The following METTL16 variants were observed in gnomAD, a reference collection of about 807,000 sequenced individuals.
The protein encoded by METTL16 is methyltransferase 16, RNA N6-adenosine, also known as RNA N(6)-adenosine-methyltransferase METTL16.
Under a neutral mutation model 57.9 loss-of-function variants are expected in METTL16, and 19 were observed. That is an observed-to-expected ratio of 0.33 (90% CI 0.23 to 0.48). METTL16 has a LOEUF of 0.48. Among genes scored for constraint, METTL16 ranks in the 20% least tolerant of loss-of-function variants. The pLI is 0.99. For missense variants in METTL16, 434 were observed against 691.5 expected (o/e 0.63, Z 4.18); for synonymous variants, 246 against 255.6 (o/e 0.96, Z 0.36).
intron 8 of METTL16, among the ~76,000 whole-genome samples, chr17:2,426,098 G>A (rs2066816385): frequency 6.6e-6 from 1 of 150,808 alleles, no homozygotes; most frequent in Non-Finnish European, 1.5e-5. Flanking sequence ...TGCAGGAAGA[G>A]AAGAGCCATT....
chr17:2,481,707 G>A (rs551792486), intron 2 of METTL16, among the ~76,000 whole-genome samples: 1 of 152,262 alleles, frequency 6.6e-6, no homozygotes, highest in South Asian at 2.1e-4. Context: ...TGGGGATTCT[G>A]AATAAGAGAA....
chr17:2,419,788 C>T lies in METTL16; in HGVS notation c.*182G>A, dbSNP rs1248812217. 4 of 754,732 alleles carry T rather than the reference C, an allele frequency of 5.3e-6. No homozygotes were observed. Among genetic ancestry groups the T allele is most frequent in the African/African-American group, 5.2e-5 (3 of 57,738 alleles). The allele number at this position is 754,732 out of a possible 1,614,324, so 46.8% of individuals were successfully genotyped here. On this transcript the variant is annotated 3_prime_UTR_variant, in exon 10 of 10. Transcript: ENST00000263092. Reference sequence around the variant, plus strand: ...CTTGTAAATGACCACACTACGACTCCCTGTAACTCAAAAAGCGGGAAGGAG... The same window carrying T: ...CTTGTAAATGACCACACTACGACTCTCTGTAACTCAAAAAGCGGGAAGGAG...
chr17:2,444,795 A>G (rs544313014), intron 6 of METTL16, among the ~76,000 whole-genome samples: 1 of 150,310 alleles, frequency 6.7e-6, no homozygotes, highest in East Asian at 2.0e-4. Flanking sequence ...CTCACTGCAA[A>G]CTCTGCCTCC....
chr17:2,500,570 C>A (rs1466378109), intron 2 of METTL16, among the ~76,000 whole-genome samples: 1 of 152,086 alleles, frequency 6.6e-6, no homozygotes, highest in African/African-American at 2.4e-5. Context: ...GCGTGAGCCA[C>A]CGCGCCCGGC....
chr17:2,441,527 C>G lies in METTL16; in HGVS notation c.761G>C (p.Ser254Thr). The change falls in exon 7 of 10, where the codon AGC becomes ACC. Residue 254 changes from serine to threonine, a missense_variant. Around this residue, in one of 5 missense-constraint regions of METTL16, gnomAD observed 96 missense variants for 138.3 expected, o/e 0.69. Transcript: ENST00000263092. ...WYSCMLGKKCSLAPLKEELRI... is the reference protein window; with the variant it reads ...WYSCMLGKKCTLAPLKEELRI... ...AAGCTCCTCCTTCAGAGGCGCCAGG[C>G]TGCATTTCTTTCCCAGCATGCAGCT... The G allele has an allele frequency of 6.3e-7, 1 of 1,596,694 alleles. No individual in the cohort carries two copies.
At position 2,416,383 on chromosome 17, in the gene METTL16, C is replaced by G. The variant is rs2066715471; in HGVS notation, c.*3587G>C. 1 of 152,216 alleles carries G rather than the reference C, an allele frequency of 6.6e-6. No individual in the cohort carries two copies. The highest frequency in any genetic ancestry group is 1.5e-5 in the Non-Finnish European group (1 of 68,034). The allele number at this position is 152,216 out of a possible 1,614,324, so 9.4% of individuals were successfully genotyped here. On this transcript the variant is annotated 3_prime_UTR_variant, in exon 10 of 10. Transcript: ENST00000263092. ...TGCAGTTTTGTTATTCCTGTCACAA[C>G]TTAGAAGTTCGAGTGCTCACATGGT...
At position 2,420,242 on chromosome 17, in the gene METTL16, C is replaced by G; in HGVS notation, c.1417G>C (p.Gly473Arg). The G allele has an allele frequency of 6.2e-7, 1 of 1,614,216 alleles. No homozygotes were observed. The highest frequency in any genetic ancestry group is 8.5e-7 in the Non-Finnish European group (1 of 1,180,042). The change falls in exon 10 of 10, where the codon GGG becomes CGG. Residue 473 changes from glycine to arginine, a missense_variant. Gly to Arg is a moderately radical substitution (Grantham distance 125). Transcript: ENST00000263092. This position sits in a 1 kb window ranked among gnomAD's most constrained non-coding sequence, Gnocchi z 5.4. The part of the protein sequence containing the change: ...TEDERSEEKG[G>R]VEVLESCQGS... ...TGACAACTTTCCAAAACCTCCACCC[C>G]TCCCTTTTCCTCACTCCTTTCATCC...
At chr17:2,446,590 G>A (rs2066996836) in intron 6 of METTL16, among the ~76,000 whole-genome samples, 1 of 114,430 alleles carries the variant, frequency 8.7e-6, no homozygotes, top group Non-Finnish European at 1.6e-5. Flanking sequence ...AGAGCATCCT[G>A]GCTCTCCCTC....
rs2066761516 is a variant in METTL16, at chr17:2,420,977, C to T, written c.889-73G>A. ...ATTAAACCTCATGCATTGTAATGAA[C>T]TCAGAGAAAATTTCCACAACTTCTG... On this transcript the variant is annotated intron_variant, in intron 8 of 9. Transcript: ENST00000263092. This position sits in a 1 kb window ranked among gnomAD's most constrained non-coding sequence, Gnocchi z 5.4. 4 of 1,521,912 alleles carry T rather than the reference C, an allele frequency of 2.6e-6. No individual in the cohort carries two copies. In the South Asian group the frequency reaches 4.9e-5, roughly 19 times the overall value. The allele number at this position is 1,521,912 out of a possible 1,614,324, so 94.3% of individuals were successfully genotyped here.
At chr17:2,455,782 G>A (rs2067105730) in intron 6 of METTL16, among the ~76,000 whole-genome samples, 1 of 152,060 alleles carries the variant, frequency 6.6e-6, no homozygotes, top group Non-Finnish European at 1.5e-5. Context: ...AGGACTTTGA[G>A]GCCACCCTGG....
chr17:2,511,714 G>A (rs534806259), intron 1 of METTL16, 45 bp downstream of exon 1: 3 of 397,278 alleles, frequency 7.6e-6, no homozygotes, highest in Middle Eastern at 6.3e-4. Context: ...CACGGGTTAA[G>A]TGACCCATGA....
intron 6 of METTL16, among the ~76,000 whole-genome samples, chr17:2,447,988 G>A (rs1352239543): frequency 1.1e-4 from 11 of 100,002 alleles, no homozygotes; most frequent in Non-Finnish European, 1.5e-4. Flanking sequence ...CGCCCCGTCC[G>A]GGAGGTGAGG....
At chr17:2,503,795 ACAGTAAATATGGAT>A (rs1478993875) in intron 1 of METTL16, among the ~76,000 whole-genome samples, 2 of 152,144 alleles carry the variant, frequency 1.3e-5, no homozygotes, top group Non-Finnish European at 1.5e-5. Context: ...GTATATCCAT[ACAGTAAATATGGAT>A]CAACAAAATA....
intron 2 of METTL16, among the ~76,000 whole-genome samples, chr17:2,489,744 A>C (rs985425179): frequency 6.6e-6 from 1 of 150,490 alleles, no homozygotes; most frequent in East Asian, 1.9e-4. Flanking sequence ...AAAAAAAAAA[A>C]AAAAACGAAT....
At chr17:2,497,479 AT>A (rs2067455182) in intron 2 of METTL16, among the ~76,000 whole-genome samples, 1 of 150,600 alleles carries the variant, frequency 6.6e-6, no homozygotes, top group South Asian at 2.1e-4. Flanking sequence ...CGCCCGGCTC[AT>A]TTTTGTACTT....
At chr17:2,421,240 G>T (rs937700192) in intron 8 of METTL16, among the ~76,000 whole-genome samples, 1 of 152,108 alleles carries the variant, frequency 6.6e-6, no homozygotes, top group African/African-American at 2.4e-5. Flanking sequence ...CTGTGGTCCC[G>T]GCTACTCTGA....
At chr17:2,510,589 A>C (rs572138393) in intron 1 of METTL16, among the ~76,000 whole-genome samples, 2 of 152,310 alleles carry the variant, frequency 1.3e-5, no homozygotes, top group East Asian at 3.9e-4. Context: ...TTCTTTTCTA[A>C]CTAACCTCCC....
chr17:2,456,150 C>G (rs922556532), intron 6 of METTL16, among the ~76,000 whole-genome samples: 10 of 152,070 alleles, frequency 6.6e-5, no homozygotes, highest in Non-Finnish European at 1.5e-4. Context: ...GTTTTAATTG[C>G]AAAAACGCTG....
At chr17:2,498,568 G>A (rs780834550) in intron 2 of METTL16, among the ~76,000 whole-genome samples, 2 of 151,242 alleles carry the variant, frequency 1.3e-5, no homozygotes, top group Admixed American at 6.6e-5. Flanking sequence ...TTGAAACTCC[G>A]TCTTTACTAA....
Sources: gnomAD v4.1 joint callset for allele counts (sites outside exome capture counted in the v4.1 genomes callset) on GRCh38, gnomAD v4.1.1 for gene constraint, gnomAD v4.1.1 regional missense constraint, Gnocchi (gnomAD v3.1) non-coding constraint, MANE v1.5 for transcripts, NCBI Gene and HGNC (gene_info 2026-07-23, HGNC 2026-07-21) for gene names.